ZBTB1: variants seen among roughly 807,000 people sequenced by gnomAD.
ZBTB1 encodes zinc finger and BTB domain containing 1.
In ZBTB1, 13 loss-of-function variants were observed where a neutral mutation model predicts 51.6. The ratio of observed to expected loss-of-function variants is 0.25; its 90% CI spans 0.16 to 0.40. ZBTB1 has a LOEUF of 0.40. Ranked by LOEUF, ZBTB1 falls within the 10% of genes least tolerant of loss-of-function variation. The pLI, the probability that ZBTB1 is intolerant of heterozygous loss-of-function variation, is 1.00. For missense variants in ZBTB1, 567 were observed against 856.5 expected (o/e 0.66, Z 4.22); for synonymous variants, 240 against 282.2 (o/e 0.85, Z 1.50).
chr14:64,528,039 A>C (rs1055561773), downstream of ZBTB1, among the ~76,000 whole-genome samples: 3 of 152,198 alleles, frequency 2.0e-5, no homozygotes, highest in African/African-American at 4.8e-5. Context: ...AAAAAAAAGT[A>C]GGAAGAGAAG....
At chr14:64,532,071 C>A in exon 3 of ZBTB1, 1 of 650,760 alleles carries the variant, frequency 1.5e-6, no homozygotes, top group Non-Finnish European at 2.5e-6. Context: ...CAGTAAAGAT[C>A]ACTTTGGAAT....
At position 64,504,771 on chromosome 14, in the gene ZBTB1, T is replaced by G. The variant is rs950538487; in HGVS notation, c.-194T>G. On this transcript the variant is annotated 5_prime_UTR_variant, in exon 1 of 2. Transcript: ENST00000683701. ...GCTGTGCGGCAGCGGAAGTCCTTTG[T>G]TGCAGCACAGTCCCTGGCAGAGCCA... is the stretch of plus-strand genomic sequence containing the variant. The G allele has an allele frequency of 5.3e-6, 2 of 378,090 alleles. No individual in the cohort carries two copies. Among genetic ancestry groups the G allele is most frequent in the Admixed American group, 4.6e-5 (1 of 21,958 alleles). 23.4% of individuals were successfully genotyped at this position (378,090 alleles called of 1,614,324 possible). A position where few individuals can be genotyped will look rare whatever the true frequency, so the allele number is the denominator to read the frequency against.
At chr14:64,519,620 A>G (rs1041560967) in intron 1 of ZBTB1, among the ~76,000 whole-genome samples, 2 of 151,280 alleles carry the variant, frequency 1.3e-5, no homozygotes, top group Non-Finnish European at 2.9e-5. Context: ...AAAAAAAAAA[A>G]AACAAAAAAA....
At chr14:64,513,796 G>T (rs967652631) in intron 1 of ZBTB1, among the ~76,000 whole-genome samples, 4 of 152,156 alleles carry the variant, frequency 2.6e-5, no homozygotes, top group African/African-American at 9.7e-5. Context: ...AAGTAGCTGG[G>T]ATTACAGGCA....
chr14:64,528,226 C>T (rs535139266), downstream of ZBTB1, among the ~76,000 whole-genome samples: 1 of 151,748 alleles, frequency 6.6e-6, no homozygotes, highest in African/African-American at 2.4e-5. Context: ...AGCCAAATCA[C>T]TACCAAAAGA....
At chr14:64,517,106 A>G (rs1255723058) in intron 1 of ZBTB1, among the ~76,000 whole-genome samples, 2 of 152,168 alleles carry the variant, frequency 1.3e-5, no homozygotes, top group Non-Finnish European at 2.9e-5. Flanking sequence ...TATCAACTCA[A>G]ACTTACCTGA....
chr14:64,516,030 C>T (rs773569286), intron 1 of ZBTB1, among the ~76,000 whole-genome samples: 3 of 151,948 alleles, frequency 2.0e-5, no homozygotes, highest in African/African-American at 7.3e-5. Context: ...CCCAGGAATT[C>T]GAGACCAGCC....
intron 1 of ZBTB1, among the ~76,000 whole-genome samples, chr14:64,507,799 C>T (rs2079682671): frequency 6.6e-6 from 1 of 152,162 alleles, no homozygotes; most frequent in Admixed American, 6.5e-5. Flanking sequence ...TGATTTACAG[C>T]AGCCAAACAC....
intron 1 of ZBTB1, chr14:64,518,617 A>G (rs2079822283): frequency 6.6e-6 from 1 of 152,142 alleles, no homozygotes; most frequent in Non-Finnish European, 1.5e-5. Context: ...TGAAGAGTGA[A>G]CATTTTATTT....
At chr14:64,505,815 G>T (rs2079645896) in intron 1 of ZBTB1, among the ~76,000 whole-genome samples, 1 of 152,188 alleles carries the variant, frequency 6.6e-6, no homozygotes, top group South Asian at 2.1e-4. Flanking sequence ...ATTTCAGTGT[G>T]GCAGTGCACG....
At chr14:64,519,273 C>T (rs977007157) in intron 1 of ZBTB1, among the ~76,000 whole-genome samples, 1 of 150,856 alleles carries the variant, frequency 6.6e-6, no homozygotes, top group Non-Finnish European at 1.5e-5. Flanking sequence ...CTCAGCCTCC[C>T]GAGTAGCTGG....
At chr14:64,507,589 T>C (rs1056095781) in intron 1 of ZBTB1, among the ~76,000 whole-genome samples, 5 of 152,194 alleles carry the variant, frequency 3.3e-5, no homozygotes, top group Non-Finnish European at 5.9e-5. Context: ...CATGGACTCA[T>C]GTTCTCTGTT....
At chr14:64,521,208 T>G (rs570645321) in intron 1 of ZBTB1, among the ~76,000 whole-genome samples, 33 of 152,362 alleles carry the variant, frequency 2.2e-4, no homozygotes, top group Middle Eastern at 3.4e-3. Flanking sequence ...TGTTCAAATT[T>G]AGTGTACATG....
At position 64,523,978 on chromosome 14, in the gene ZBTB1, A is replaced by G. The variant is rs1376042073; in HGVS notation, c.*332A>G. On this transcript the variant is annotated 3_prime_UTR_variant, in exon 2 of 2. Coordinates refer to ENST00000683701, the MANE Select transcript of ZBTB1 (RefSeq NM_001123329.2). The surrounding 1 kb of genome is among the most constrained non-coding windows in gnomAD (Gnocchi z 4.5). ...ATAAGGTGATGACTTCACTATTTCT[A>G]TGTGTTTTTTTTTTTTTAAGGTTAT... 1.0e-6 allele frequency: 1 copy of G among 1,000,478 alleles called. No homozygotes were observed. Among genetic ancestry groups the G allele is most frequent in the Non-Finnish European group, 1.2e-6 (1 of 829,434 alleles). The allele number at this position is 1,000,478 out of a possible 1,614,324, so 62.0% of individuals were successfully genotyped here. A position where few individuals can be genotyped will look rare whatever the true frequency, so the allele number is the denominator to read the frequency against.
intron 1 of ZBTB1, among the ~76,000 whole-genome samples, chr14:64,512,837 C>T (rs145381042): frequency 6.6e-6 from 1 of 152,244 alleles, no homozygotes; most frequent in African/African-American, 2.4e-5. Flanking sequence ...AGATTGGACC[C>T]TATACCCTGC....
intron 1 of ZBTB1, among the ~76,000 whole-genome samples, chr14:64,513,992 C>A (rs1311660723): frequency 2.6e-5 from 4 of 152,174 alleles, no homozygotes; most frequent in Admixed American, 6.5e-5. Flanking sequence ...CAAATTGTTT[C>A]TTGGTTTCAA....
At chr14:64,504,730 C>A (rs2079610186), upstream of ZBTB1, 2 of 373,252 alleles carry the variant, frequency 5.4e-6, no homozygotes, top group Non-Finnish European at 9.5e-6. Context: ...CGGCTCAGTG[C>A]GGTGCGGCAG....
chr14:64,506,701 G>C (rs1335675170), intron 1 of ZBTB1, among the ~76,000 whole-genome samples: 1 of 152,122 alleles, frequency 6.6e-6, no homozygotes, highest in Non-Finnish European at 1.5e-5. Flanking sequence ...ACATTTTCAT[G>C]GTATTGAATA....
In ZBTB1 at chr14:64,524,342, C is replaced by T. The variant is rs910625561; in HGVS notation, c.*696C>T. On this transcript the variant is annotated 3_prime_UTR_variant, in exon 2 of 2. Transcript: ENST00000683701. Reference sequence around the variant, plus strand: ...TTAAGTGTAAATTCCAGTGGCTTTACCTCACTTGAAAAATTAGTGGGGATA... The same window carrying T: ...TTAAGTGTAAATTCCAGTGGCTTTATCTCACTTGAAAAATTAGTGGGGATA... 5.9e-5 allele frequency: 54 copies of T among 921,432 alleles called. No homozygotes were observed. The highest frequency in any genetic ancestry group is 6.7e-5 in the Non-Finnish European group (52 of 771,900). 57.1% of individuals were successfully genotyped at this position (921,432 alleles called of 1,614,324 possible).
Sources: gnomAD v4.1 joint callset for allele counts (sites outside exome capture counted in the v4.1 genomes callset) on GRCh38, gnomAD v4.1.1 for gene constraint, Gnocchi (gnomAD v3.1) non-coding constraint, MANE v1.5 for transcripts, NCBI Gene and HGNC (gene_info 2026-07-23, HGNC 2026-07-21) for gene names.